ACAN: variants seen among roughly 807,000 people sequenced by gnomAD.
The protein encoded by ACAN is aggrecan, also known as aggrecan core protein.
Under a neutral mutation model 169.1 loss-of-function variants are expected in ACAN, and 47 were observed. That is an observed-to-expected ratio of 0.28 (90% CI 0.22 to 0.35). ACAN has a LOEUF of 0.35. Ranked by LOEUF, ACAN falls within the 10% of genes least tolerant of loss-of-function variation. ACAN has a pLI of 1.00. For missense variants in ACAN, 2,716 were observed against 2,759.9 expected, an observed-to-expected ratio of 0.98 and a Z score of 0.36; for synonymous variants, 1,115 against 1,112.2, an observed-to-expected ratio of 1.00 and a Z score of -0.05.
rs182403265 is a variant in ACAN at position 88,834,448 on chromosome 15, G to T, written c.-7-1752G>T. 1.0e-2 allele frequency among the ~76,000 whole-genome samples: 1,521 copies of T among 152,298 alleles called. 16 individuals are homozygous for T. The highest frequency in any genetic ancestry group is 0.016 in the Non-Finnish European group (1,106 of 68,016). On this transcript the variant is annotated intron_variant, in intron 1 of 18. Transcript: ENST00000560601. ...CCTCCTGAGCCTAGGGACTCCTGGG[G>T]TGCCCCCCTCATCCCCAAATCCATC... is the stretch of plus-strand genomic sequence containing the variant.
rs1897382064 is a variant in ACAN at position 88,871,596 on chromosome 15, G to A, written c.7219+56G>A. On this transcript the variant is annotated intron_variant, in intron 15 of 18. Coordinates refer to ENST00000560601, the MANE Select transcript of ACAN (RefSeq NM_001369268.1). The surrounding 1 kb of genome is among the most constrained non-coding windows in gnomAD (Gnocchi z 7.8). ...AGGAGAGTGGCGGTGTAGGCAAAGG[G>A]CCTCACCTTTCAGAAGGCAGCAGAT... 1 of 1,548,582 alleles carries A rather than the reference G, an allele frequency of 6.5e-7. No individual in the cohort carries two copies. Among genetic ancestry groups the A allele is most frequent in the Non-Finnish European group, 8.7e-7 (1 of 1,147,514 alleles).
rs1471906283 is a variant in ACAN at position 88,868,467 on chromosome 15, C to G, written c.7060+138C>G. ...ATCTGGAGAGCCATTTCAGGGGCCA[C>G]AACTGAAAATTCTGCCCCACTGATT... On this transcript the variant is annotated intron_variant, in intron 14 of 18. Transcript: ENST00000560601. The surrounding 1 kb of genome is among the most constrained non-coding windows in gnomAD (Gnocchi z 5.2). The G allele has an allele frequency of 3.4e-6, 2 of 587,392 alleles. No homozygotes were observed. Among genetic ancestry groups the G allele is most frequent in the African/African-American group, 3.7e-5 (2 of 53,484 alleles). The allele number at this position is 587,392 out of a possible 1,614,324, so 36.4% of individuals were successfully genotyped here.
chr15:88,840,229 G>T (rs2141567259), intron 4 of ACAN, 43 bp downstream of exon 4: 3 of 1,524,592 alleles, frequency 2.0e-6, no homozygotes, highest in Non-Finnish European at 1.8e-6. Flanking sequence ...GGAGTCAGCA[G>T]CCACAGGGGA....
intron 1 of ACAN, among the ~76,000 whole-genome samples, chr15:88,818,950 T>A (rs1162953886): frequency 6.6e-6 from 1 of 152,194 alleles, no homozygotes; most frequent in Non-Finnish European, 1.5e-5. Context: ...GGAGAAAACA[T>A]AATCAATTTT....
In ACAN at chr15:88,824,597, G is replaced by A. The variant is rs147015425; in HGVS notation, c.-7-11603G>A. On this transcript the variant is annotated intron_variant, in intron 1 of 18. Transcript: ENST00000560601. ...AATTTCAAATAATAATGATGCTATC[G>A]GCCAGGTGTGGTGGCTCATGCCTAT... Among the ~76,000 whole-genome samples, 119 of 152,128 alleles carry A rather than the reference G, an allele frequency of 7.8e-4. 2 individuals are homozygous for A. In the East Asian group the frequency reaches 0.018, roughly 24 times the overall value.
chr15:88,836,768 T>A (rs1896514518), intron 2 of ACAN, among the ~76,000 whole-genome samples: 2 of 152,210 alleles, frequency 1.3e-5, no homozygotes, highest in African/African-American at 4.8e-5. Flanking sequence ...CCCAGCCTGG[T>A]CTCGTGCATG....
chr15:88,809,599 G>A (rs1164104298), intron 1 of ACAN, among the ~76,000 whole-genome samples: 1 of 152,222 alleles, frequency 6.6e-6, no homozygotes, highest in East Asian at 1.9e-4. Context: ...AGAGCACCAA[G>A]AATACCCAGT....
In ACAN at chr15:88,849,593, G is replaced by A. The variant is rs780323898; in HGVS notation, c.1888G>A (p.Gly630Ser). 8.1e-6 allele frequency: 13 copies of A among 1,608,746 alleles called. No homozygotes were observed. The East Asian group carries it at 9.0e-5, about 11-fold the overall frequency. The change falls in exon 10 of 19, where the codon GGC becomes AGC. Residue 630 changes from glycine to serine, a missense_variant. Transcript: ENST00000560601. This position sits in a 1 kb window ranked among gnomAD's most constrained non-coding sequence, Gnocchi z 5.1. Reference sequence around the variant, plus strand: ...GTGCTATGCCGGCTGGCTGGCCGACGGCAGCCTCCGCTACCCCATCGTCAC... The same window carrying A: ...GTGCTATGCCGGCTGGCTGGCCGACAGCAGCCTCCGCTACCCCATCGTCAC... Reference protein sequence around the residue: ...DKCYAGWLADGSLRYPIVTPR... With the variant: ...DKCYAGWLADSSLRYPIVTPR...
chr15:88,820,301 C>G (rs4932429), intron 1 of ACAN, among the ~76,000 whole-genome samples: 84,103 of 151,926 alleles, frequency 0.55, 24,012 homozygotes, highest in East Asian at 0.91. Flanking sequence ...TGATCGAGGA[C>G]GGCAAACTGG....
At chr15:88,826,150 G>A (rs1164663473) in intron 1 of ACAN, among the ~76,000 whole-genome samples, 1 of 152,138 alleles carries the variant, frequency 6.6e-6, no homozygotes, top group Admixed American at 6.5e-5. Context: ...TCACGTCGGG[G>A]GGCTCTACTG....
intron 1 of ACAN, among the ~76,000 whole-genome samples, chr15:88,826,340 C>T (rs904358998): frequency 2.0e-5 from 3 of 150,928 alleles, no homozygotes; most frequent in African/African-American, 7.3e-5. Flanking sequence ...AGCCCTGCCA[C>T]GGAGCAGGGC....
At position 88,807,157 on chromosome 15, in the gene ACAN, C is replaced by G. The variant is rs550727954; in HGVS notation, c.-8+3348C>G. On this transcript the variant is annotated intron_variant, in intron 1 of 18. Transcript: ENST00000560601. This position sits in a 1 kb window ranked among gnomAD's most constrained non-coding sequence, Gnocchi z 4.0. The stretch of plus-strand genomic sequence containing the variant: ...GCCACTGCACCAAGTGCTGGGGAGT[C>G]AAGGCAGCTGAGGTGGAAGCTGGAG... Among the ~76,000 whole-genome samples the G allele has an allele frequency of 9.3e-4, 141 of 152,082 alleles. No homozygotes were observed. Among genetic ancestry groups the G allele is most frequent in the African/African-American group, 3.4e-3 (139 of 41,474 alleles).
chr15:88,860,290 G>C, intron 12 of ACAN, 36 bp from the exon 13 acceptor site: 1 of 1,497,056 alleles, frequency 6.7e-7, no homozygotes, highest in Non-Finnish European at 9.2e-7. Context: ...AGGTGACTGT[G>C]TTCTTGATGC....
rs1368134289 is a variant in ACAN, at chr15:88,814,934, G to C, written c.-8+11125G>C. Among the ~76,000 whole-genome samples the C allele has an allele frequency of 6.6e-6, 1 of 151,464 alleles. No individual in the cohort carries two copies. Among genetic ancestry groups the C allele is most frequent in the African/African-American group, 2.4e-5 (1 of 41,170 alleles). On this transcript the variant is annotated intron_variant, in intron 1 of 18. Coordinates refer to ENST00000560601, the MANE Select transcript of ACAN (RefSeq NM_001369268.1). The surrounding 1 kb of genome is among the most constrained non-coding windows in gnomAD (Gnocchi z 4.0). The stretch of plus-strand genomic sequence containing the variant: ...GTGGGGAATCCTAAATGTACCAGAA[G>C]AACCTTTGGTGGTTCTCAGCCAGTT...
chr15:88,864,582 TA>T (rs1298334801), intron 13 of ACAN, among the ~76,000 whole-genome samples: 2 of 152,210 alleles, frequency 1.3e-5, no homozygotes, highest in African/African-American at 4.8e-5. Context: ...TTAATTTAAT[TA>T]ATTTATCTTA....
chr15:88,874,084 C>G lies in ACAN; in HGVS notation c.7630+60C>G. ...GGTTAGATTCTGCCAGCACAGCCTT[C>G]CCCCCGTCCCCTCTCCTGGGGACCC... On this transcript the variant is annotated intron_variant, in intron 18 of 18. Coordinates refer to ENST00000560601, the MANE Select transcript of ACAN (RefSeq NM_001369268.1). This position sits in a 1 kb window ranked among gnomAD's most constrained non-coding sequence, Gnocchi z 7.3. 1 of 1,584,412 alleles carries G rather than the reference C, an allele frequency of 6.3e-7. No homozygotes were observed.
chr15:88,832,876 G>A (rs1354468321), intron 1 of ACAN, among the ~76,000 whole-genome samples: 1 of 152,192 alleles, frequency 6.6e-6, no homozygotes, highest in Non-Finnish European at 1.5e-5. Context: ...ATGGATGCTT[G>A]CTGAGTGCCA....
chr15:88,873,556 C>T lies in ACAN; in HGVS notation c.7448-286C>T, dbSNP rs1897432073. ...GAACTAGATGTTTTCATCAAGAAGC[C>T]TGAGTCTGCCTGGCTCTCGCCCTCC... is the stretch of plus-strand genomic sequence containing the variant. On this transcript the variant is annotated intron_variant, in intron 17 of 18. Transcript: ENST00000560601. The surrounding 1 kb of genome is among the most constrained non-coding windows in gnomAD (Gnocchi z 7.5). Among the ~76,000 whole-genome samples, 1 of 152,224 alleles carries T rather than the reference C, an allele frequency of 6.6e-6. No individual in the cohort carries two copies. Among genetic ancestry groups the T allele is most frequent in the African/African-American group, 2.4e-5 (1 of 41,448 alleles).
chr15:88,819,526 G>T (rs1226321445), intron 1 of ACAN, among the ~76,000 whole-genome samples: 1 of 150,622 alleles, frequency 6.6e-6, no homozygotes, highest in Non-Finnish European at 1.5e-5. Context: ...ACTTTGGAAG[G>T]TTGAGGTGGG....
Sources: gnomAD v4.1 joint callset for allele counts (sites outside exome capture counted in the v4.1 genomes callset) on GRCh38, gnomAD v4.1.1 for gene constraint, Gnocchi (gnomAD v3.1) non-coding constraint, MANE v1.5 for transcripts, NCBI Gene and HGNC (gene_info 2026-07-23, HGNC 2026-07-21) for gene names.